Variants in GRIK1 observed in about 807,000 individuals in gnomAD.
GRIK1 encodes glutamate ionotropic receptor kainate type subunit 1.
GRIK1 carries 69 observed loss-of-function variants against 105.7 expected under a neutral mutation model. The observed-to-expected ratio is 0.65, with a 90% CI of 0.54 to 0.80. The LOEUF (loss-of-function observed/expected upper bound fraction) is 0.80. Ranked by LOEUF, GRIK1 falls within the 30% of genes least tolerant of loss-of-function variation. The pLI, the probability that GRIK1 is intolerant of heterozygous loss-of-function variation, is 0.00. For missense variants in GRIK1, 1,109 were observed against 1,167.3 expected (o/e 0.95, Z 0.73); for synonymous variants, 438 against 431.3 (o/e 1.02, Z -0.19).
At chr21:29,820,562 T>C (rs955442759) in intron 1 of GRIK1, among the ~76,000 whole-genome samples, 6 of 151,972 alleles carry the variant, frequency 3.9e-5, no homozygotes, top group Admixed American at 3.9e-4. Context: ...GTGTGGCTAA[T>C]TAGGGCTGCA....
In GRIK1 at chr21:29,819,883, A is replaced by C. The variant is rs184359948; in HGVS notation, c.118+119500T>G. Among the ~76,000 whole-genome samples the C allele has an allele frequency of 3.9e-5, 6 of 152,192 alleles. No homozygotes were observed. The East Asian group carries it at 1.2e-3, about 29-fold the overall frequency. Reference sequence around the variant, plus strand: ...CCCACCCCCACTGCACTTTCACCCCATCAAGCCCTCAAACTGGATTGCTGA... The same window carrying C: ...CCCACCCCCACTGCACTTTCACCCCCTCAAGCCCTCAAACTGGATTGCTGA... On this transcript the variant is annotated intron_variant, in intron 1 of 17. Transcript: ENST00000327783.
intron 1 of GRIK1, among the ~76,000 whole-genome samples, chr21:29,937,495 C>T (rs779683616): frequency 1.2e-4 from 18 of 152,134 alleles, no homozygotes; most frequent in Non-Finnish European, 2.5e-4. Flanking sequence ...ACTACTTTTA[C>T]GTAGATGATT....
At chr21:29,789,170 A>T (rs1190793666) in intron 1 of GRIK1, among the ~76,000 whole-genome samples, 2 of 152,210 alleles carry the variant, frequency 1.3e-5, no homozygotes, top group Non-Finnish European at 2.9e-5. Flanking sequence ...GGCTTACTGC[A>T]AGAACCACCC....
At chr21:29,849,030 C>T (rs1216225526) in intron 1 of GRIK1, among the ~76,000 whole-genome samples, 1 of 151,822 alleles carries the variant, frequency 6.6e-6, no homozygotes. Context: ...TAACCAAGGT[C>T]TACAAACACA....
intron 4 of GRIK1, among the ~76,000 whole-genome samples, chr21:29,662,364 G>A (rs1163939796): frequency 6.6e-6 from 1 of 152,152 alleles, no homozygotes; most frequent in Non-Finnish European, 1.5e-5. Flanking sequence ...AACTTTTGGG[G>A]CAATTACATG....
intron 1 of GRIK1, among the ~76,000 whole-genome samples, chr21:29,867,843 G>GAAAGAAAGAAA (rs1353645612): frequency 0.016 from 1,930 of 121,776 alleles, 42 homozygotes; most frequent in African/African-American, 0.041. Context: ...AAAGAAAGAA[G>GAAAGAAAGAAA]GAAGGAAAGA....
intron 1 of GRIK1, among the ~76,000 whole-genome samples, chr21:29,714,898 A>G (rs1030331309): frequency 3.3e-5 from 5 of 152,224 alleles, no homozygotes; most frequent in African/African-American, 1.2e-4. Flanking sequence ...AAATGATTGA[A>G]AGCATTTTGT....
At chr21:29,657,829 C>G (rs958940675) in intron 4 of GRIK1, 8 of 152,122 alleles carry the variant, frequency 5.3e-5, no homozygotes, top group African/African-American at 1.9e-4. Context: ...GATTGCATTC[C>G]CATTTTGATT....
chr21:29,686,940 C>T (rs1317194280), intron 3 of GRIK1, among the ~76,000 whole-genome samples: 5 of 152,184 alleles, frequency 3.3e-5, no homozygotes, highest in Non-Finnish European at 7.3e-5. Context: ...AGCAATTTCT[C>T]ATTGCCTGGG....
At chr21:29,758,300 T>C (rs2065404823) in intron 1 of GRIK1, among the ~76,000 whole-genome samples, 1 of 151,672 alleles carries the variant, frequency 6.6e-6, no homozygotes, top group Non-Finnish European at 1.5e-5. Context: ...AGAAAAGAGG[T>C]TTAATGGACT....
intron 1 of GRIK1, among the ~76,000 whole-genome samples, chr21:29,870,969 G>C (rs577333128): frequency 6.6e-6 from 1 of 151,984 alleles, no homozygotes; most frequent in Non-Finnish European, 1.5e-5. Context: ...CTGACTTGCA[G>C]CTCTCAAGTT....
intron 1 of GRIK1, among the ~76,000 whole-genome samples, chr21:29,900,446 A>G (rs992799094): frequency 7.0e-6 from 1 of 142,640 alleles, no homozygotes; most frequent in Non-Finnish European, 1.5e-5. Context: ...AGATCTACCA[A>G]ACAAATGGAA....
At position 29,537,798 on chromosome 21, in the gene GRIK1, C is replaced by A. The variant is rs1394302124; in HGVS notation, c.2694G>T (p.Lys898Asn). The A allele has an allele frequency of 6.9e-7, 1 of 1,451,018 alleles. No individual in the cohort carries two copies. Among genetic ancestry groups the A allele is most frequent in the Non-Finnish European group, 9.7e-7 (1 of 1,032,794 alleles). The allele number at this position is 1,451,018 out of a possible 1,614,324, so 89.9% of individuals were successfully genotyped here. A position where few individuals can be genotyped will look rare whatever the true frequency, so the allele number is the denominator to read the frequency against. The change falls in exon 17 of 18, where the codon AAG becomes AAT. Residue 898 changes from lysine to asparagine, a missense_variant and splice_region_variant. This residue lies in a region of GRIK1 where 161 missense variants were observed against 143.4 expected (regional missense o/e 1.12). Coordinates refer to ENST00000327783, the MANE Select transcript of GRIK1 (RefSeq NM_001330994.2). ...GTAATGCTATAGAAAATGAACAAAC[C>A]TTCTCTACACCAAGGCTTTGTTTTT... ...GRKKQSLGVEKCLSFNAIMEE... is the reference protein window; with the variant it reads ...GRKKQSLGVENCLSFNAIMEE...
chr21:29,768,051 C>T (rs1345900775), intron 1 of GRIK1, among the ~76,000 whole-genome samples: 2 of 152,066 alleles, frequency 1.3e-5, no homozygotes, highest in Admixed American at 6.6e-5. Context: ...CTGGAGGTGA[C>T]GGTGTAGAAA....
chr21:29,744,575 T>TG (rs1379436683), intron 1 of GRIK1, among the ~76,000 whole-genome samples: 1 of 152,072 alleles, frequency 6.6e-6, no homozygotes, highest in East Asian at 1.9e-4. Flanking sequence ...TTTTTTTTTT[T>TG]TTCCTCCCTG....
intron 1 of GRIK1, among the ~76,000 whole-genome samples, chr21:29,868,150 C>T (rs933895183): frequency 3.3e-5 from 5 of 152,076 alleles, no homozygotes; most frequent in African/African-American, 1.2e-4. Flanking sequence ...TCTGTGAAAA[C>T]AACAAAACTG....
chr21:29,784,621 G>GA, intron 1 of GRIK1, among the ~76,000 whole-genome samples: 1 of 152,156 alleles, frequency 6.6e-6, no homozygotes, highest in South Asian at 2.1e-4. Context: ...GACATACACA[G>GA]AAAATCTCTT....
At chr21:29,665,064 G>A (rs1205072455) in intron 4 of GRIK1, among the ~76,000 whole-genome samples, 4 of 152,104 alleles carry the variant, frequency 2.6e-5, no homozygotes, top group East Asian at 1.9e-4. Context: ...TGATATAACC[G>A]GGATTAAGCA....
chr21:29,862,243 C>T (rs990911204), intron 1 of GRIK1, among the ~76,000 whole-genome samples: 5 of 152,292 alleles, frequency 3.3e-5, no homozygotes, highest in African/African-American at 1.2e-4. Flanking sequence ...TTGCCTTGAC[C>T]TTTCAAATTA....
Sources: gnomAD v4.1 joint callset for allele counts (sites outside exome capture counted in the v4.1 genomes callset) on GRCh38, gnomAD v4.1.1 for gene constraint, gnomAD v4.1.1 regional missense constraint, MANE v1.5 for transcripts, NCBI Gene and HGNC (gene_info 2026-07-23, HGNC 2026-07-21) for gene names.